The following PCDH17 variants were observed in gnomAD, a reference collection of about 807,000 sequenced individuals.
PCDH17 encodes the protein protocadherin 17.
Under a neutral mutation model 67.7 loss-of-function variants are expected in PCDH17, and 21 were observed. That is an observed-to-expected ratio of 0.31 (90% CI 0.22 to 0.45). The LOEUF is 0.45. PCDH17 is among the 20% of genes least tolerant of loss of function. The pLI, the probability that PCDH17 is intolerant of heterozygous loss-of-function variation, is 1.00. For synonymous variants in PCDH17, 701 were observed against 656.7 expected (o/e 1.07, Z -1.03); for missense variants, 1,471 against 1,564.8 (o/e 0.94, Z 1.01).
At chr13:57,657,822 G>C (rs1422454031) in intron 1 of PCDH17, among the ~76,000 whole-genome samples, 1 of 152,116 alleles carries the variant, frequency 6.6e-6, no homozygotes, top group Non-Finnish European at 1.5e-5. Context: ...AAATTTGGCT[G>C]ATTTTATAAT....
intron 3 of PCDH17, 49 bp from the exon 4 acceptor site, chr13:57,724,563 A>G: frequency 6.7e-7 from 1 of 1,493,860 alleles, no homozygotes; most frequent in Non-Finnish European, 9.2e-7. Context: ...GTAGAAATTT[A>G]AAGAAAACTC....
chr13:57,682,784 G>T (rs187600695), intron 3 of PCDH17, among the ~76,000 whole-genome samples: 7 of 151,822 alleles, frequency 4.6e-5, no homozygotes, highest in Admixed American at 1.3e-4. Flanking sequence ...AGAATTTAGA[G>T]AACCTGAAGT....
Position 57,633,194 on chromosome 13 carries a change from G to A in PCDH17, c.648G>A (p.Leu216=). The A allele has an allele frequency of 6.2e-7, 1 of 1,613,204 alleles. No individual in the cohort carries two copies. Among genetic ancestry groups the A allele is most frequent in the Non-Finnish European group, 8.5e-7 (1 of 1,180,008 alleles). Reference sequence around the variant, plus strand: ...ACCATACGCTCGTGCTGACTGCCCTGGACGGTGGCGAGCCTCCACGTTCCG... The same window carrying A: ...ACCATACGCTCGTGCTGACTGCCCTAGACGGTGGCGAGCCTCCACGTTCCG... The part of the protein sequence containing the change: ...QNHHTLVLTA[L]DGGEPPRSAT... Residue 216 remains leucine (L), a synonymous_variant, in exon 1 of 4, where the codon CTG becomes CTA. Transcript: ENST00000377918. This position sits in a 1 kb window ranked among gnomAD's most constrained non-coding sequence, Gnocchi z 6.2.
At chr13:57,713,528 G>A (rs1408849890) in intron 3 of PCDH17, among the ~76,000 whole-genome samples, 6 of 151,560 alleles carry the variant, frequency 4.0e-5, no homozygotes, top group African/African-American at 1.5e-4. Context: ...AAGATTCACA[G>A]TTTCAGCAGC....
At chr13:57,683,470 G>C (rs1301497906) in intron 3 of PCDH17, among the ~76,000 whole-genome samples, 3 of 151,828 alleles carry the variant, frequency 2.0e-5, no homozygotes, top group African/African-American at 7.2e-5. Context: ...GACTGCAGAT[G>C]CTCAGAATAT....
intron 3 of PCDH17, among the ~76,000 whole-genome samples, chr13:57,672,004 A>G (rs1301855294): frequency 6.6e-6 from 1 of 151,920 alleles, no homozygotes; most frequent in Non-Finnish European, 1.5e-5. Context: ...ATTTAATTCT[A>G]TGGCTTCCTT....
chr13:57,637,322 G>GTAATC (rs1954836675), intron 1 of PCDH17, among the ~76,000 whole-genome samples: 5 of 151,686 alleles, frequency 3.3e-5, no homozygotes, highest in Non-Finnish European at 7.4e-5. Context: ...TTCAGTTTTT[G>GTAATC]TAATCGTCTA....
intron 3 of PCDH17, among the ~76,000 whole-genome samples, chr13:57,680,960 A>G (rs1955443021): frequency 6.6e-6 from 1 of 151,816 alleles, no homozygotes; most frequent in Non-Finnish European, 1.5e-5. Flanking sequence ...ATTCAATCAG[A>G]TAACAAAGAT....
intron 1 of PCDH17, among the ~76,000 whole-genome samples, chr13:57,639,121 A>C (rs1954860383): frequency 6.6e-6 from 1 of 151,956 alleles, no homozygotes; most frequent in South Asian, 2.1e-4. Flanking sequence ...TTGAGTAGGA[A>C]AGGAATGTCC....
intron 3 of PCDH17, among the ~76,000 whole-genome samples, chr13:57,693,966 GT>G (rs1220030955): frequency 7.9e-4 from 112 of 141,344 alleles, no homozygotes; most frequent in East Asian, 6.4e-3. Context: ...TCAGTCAAGT[GT>G]TTTTTTTTTT....
At position 57,724,837 on chromosome 13, in the gene PCDH17, A is replaced by T. The variant is rs755389105; in HGVS notation, c.3023A>T (p.His1008Leu). ...FCTFGKDKRE[H>L]TILIANVKPY... ...ACATTTGGAAAAGACAAGCGAGAGC[A>T]CACTATTCTCATTGCCAACGTTAAA... is the stretch of plus-strand genomic sequence containing the variant. Residue 1008 changes from histidine to leucine, a missense_variant, in exon 4 of 4, where the codon CAC (histidine) becomes CTC (leucine). His to Leu is a moderately conservative substitution (Grantham distance 99). Coordinates refer to ENST00000377918, the MANE Select transcript of PCDH17 (RefSeq NM_001040429.3). 6.2e-7 allele frequency: 1 copy of T among 1,614,176 alleles called. No homozygotes were observed. The highest frequency in any genetic ancestry group is 1.7e-5 in the Admixed American group (1 of 60,014).
chr13:57,708,240 G>T (rs1355854662), intron 3 of PCDH17, among the ~76,000 whole-genome samples: 1 of 151,968 alleles, frequency 6.6e-6, no homozygotes, highest in Admixed American at 6.6e-5. Flanking sequence ...AATGGATATT[G>T]AAAAGCCTTA....
chr13:57,688,910 A>G (rs1193336904), intron 3 of PCDH17, among the ~76,000 whole-genome samples: 1 of 152,056 alleles, frequency 6.6e-6, no homozygotes, highest in Non-Finnish European at 1.5e-5. Context: ...TTGCTATTGT[A>G]TCAACCTCTA....
intron 1 of PCDH17, among the ~76,000 whole-genome samples, chr13:57,653,288 C>T (rs1403042343): frequency 6.6e-6 from 1 of 151,912 alleles, no homozygotes; most frequent in Non-Finnish European, 1.5e-5. Context: ...TAATTCAGAG[C>T]TGAATAGTTA....
chr13:57,699,285 T>C (rs1036706003), intron 3 of PCDH17, among the ~76,000 whole-genome samples: 2 of 152,024 alleles, frequency 1.3e-5, no homozygotes, highest in African/African-American at 4.8e-5. Context: ...ATATCTTTGT[T>C]TTTATATCCC....
intron 3 of PCDH17, among the ~76,000 whole-genome samples, chr13:57,717,834 A>G (rs991238668): frequency 1.3e-5 from 2 of 151,960 alleles, no homozygotes; most frequent in Non-Finnish European, 2.9e-5. Flanking sequence ...AAATGTATAC[A>G]TTTTTTCTCA....
intron 1 of PCDH17, among the ~76,000 whole-genome samples, chr13:57,647,771 A>T (rs965740450): frequency 1.3e-5 from 2 of 151,878 alleles, no homozygotes; most frequent in African/African-American, 4.8e-5. Context: ...ACTTCTCCAC[A>T]TGATTTCCTC....
intron 3 of PCDH17, among the ~76,000 whole-genome samples, chr13:57,707,064 T>A (rs1593942700): frequency 6.6e-6 from 1 of 152,216 alleles, no homozygotes. Context: ...CTTTTGCACC[T>A]AGCTAATATA....
chr13:57,660,092 A>T (rs4488350), intron 1 of PCDH17, among the ~76,000 whole-genome samples: 2 of 151,926 alleles, frequency 1.3e-5, no homozygotes, highest in Non-Finnish European at 2.9e-5. Context: ...AAAAGAAAAA[A>T]GAAAGATAGC....
Sources: gnomAD v4.1 joint callset for allele counts (sites outside exome capture counted in the v4.1 genomes callset) on GRCh38, gnomAD v4.1.1 for gene constraint, Gnocchi (gnomAD v3.1) non-coding constraint, MANE v1.5 for transcripts, NCBI Gene and HGNC (gene_info 2026-07-23, HGNC 2026-07-21) for gene names.